PTPRD: variants seen among roughly 807,000 people sequenced by gnomAD.
PTPRD encodes the protein receptor-type tyrosine-protein phosphatase delta.
A neutral mutation model predicts 214.5 loss-of-function variants in PTPRD; 34 were observed. The ratio of observed to expected loss-of-function variants is 0.16; its 90% CI spans 0.12 to 0.21. The LOEUF is 0.21. Among genes scored for constraint, PTPRD ranks in the 10% least tolerant of loss-of-function variants. PTPRD has a pLI of 1.00. For synonymous variants in PTPRD, 1,128 were observed against 845.7 expected (o/e 1.33, Z -5.79); for missense variants, 2,545 against 2,398.7 (o/e 1.06, Z -1.27).
intron 9 of PTPRD, among the ~76,000 whole-genome samples, chr9:9,381,109 T>C (rs953718702): frequency 1.3e-5 from 2 of 152,228 alleles, no homozygotes; most frequent in African/African-American, 4.8e-5. Flanking sequence ...AGACAACATA[T>C]AGTTGGGTCT....
At chr9:9,935,132 A>G (rs1458877112) in intron 5 of PTPRD, among the ~76,000 whole-genome samples, 2 of 152,144 alleles carry the variant, frequency 1.3e-5, no homozygotes, top group African/African-American at 4.8e-5. Context: ...TGAATGGGCA[A>G]AAACTGGAAG....
At chr9:8,720,543 TG>T (rs2098481948) in intron 12 of PTPRD, among the ~76,000 whole-genome samples, 2 of 152,308 alleles carry the variant, frequency 1.3e-5, no homozygotes, top group East Asian at 3.9e-4. Context: ...ATGATCACAA[TG>T]ACAAAATCTT....
chr9:8,747,738 T>C (rs1232990199), intron 11 of PTPRD, among the ~76,000 whole-genome samples: 2 of 151,996 alleles, frequency 1.3e-5, no homozygotes, highest in Non-Finnish European at 2.9e-5. Context: ...CCAATGGAAA[T>C]TACTTAAAAC....
intron 4 of PTPRD, among the ~76,000 whole-genome samples, chr9:10,003,836 A>G (rs892144757): frequency 6.6e-6 from 1 of 151,756 alleles, no homozygotes. Context: ...TCAAATTCTA[A>G]ATTTTTTTAA....
At chr9:9,935,709 A>C (rs891114260) in intron 5 of PTPRD, among the ~76,000 whole-genome samples, 1 of 142,966 alleles carries the variant, frequency 7.0e-6, no homozygotes, top group African/African-American at 3.1e-5. Context: ...CTTTCTTCAC[A>C]GAATTGGAAA....
chr9:8,937,609 C>T (rs1291802586), intron 11 of PTPRD, among the ~76,000 whole-genome samples: 3 of 152,118 alleles, frequency 2.0e-5, no homozygotes, highest in Admixed American at 1.3e-4. Flanking sequence ...CTTTGCATTG[C>T]AGCTTGGAAT....
At chr9:8,638,945 C>T (rs1468709562) in intron 12 of PTPRD, among the ~76,000 whole-genome samples, 13 of 152,258 alleles carry the variant, frequency 8.5e-5, no homozygotes, top group East Asian at 3.9e-4. Context: ...CAGGTTCAAG[C>T]GATTCTCCTG....
chr9:9,984,987 G>A (rs938334904), intron 4 of PTPRD, among the ~76,000 whole-genome samples: 1 of 152,190 alleles, frequency 6.6e-6, no homozygotes, highest in African/African-American at 2.4e-5. Flanking sequence ...CTATAAAGGA[G>A]AGATGCTTAA....
intron 3 of PTPRD, among the ~76,000 whole-genome samples, chr9:10,174,770 G>A (rs2099236481): frequency 6.6e-6 from 1 of 151,672 alleles, no homozygotes; most frequent in African/African-American, 2.4e-5. Context: ...CCATAAAAGA[G>A]GCATAATTTA....
chr9:9,475,367 A>C (rs2094949733), intron 8 of PTPRD, among the ~76,000 whole-genome samples: 1 of 152,212 alleles, frequency 6.6e-6, no homozygotes, highest in Admixed American at 6.5e-5. Context: ...CTCTTTTTAC[A>C]TATAACCCTA....
At chr9:9,577,480 C>T (rs2089277552) in intron 7 of PTPRD, among the ~76,000 whole-genome samples, 2 of 152,032 alleles carry the variant, frequency 1.3e-5, no homozygotes, top group Non-Finnish European at 2.9e-5. Context: ...AGAAGGATCG[C>T]TTGAACCCTG....
At chr9:9,585,269 G>C (rs1189689536) in intron 7 of PTPRD, among the ~76,000 whole-genome samples, 5 of 152,062 alleles carry the variant, frequency 3.3e-5, no homozygotes, top group Non-Finnish European at 7.4e-5. Context: ...AGGGATGTTT[G>C]AGTGAATGCA....
chr9:10,360,840 C>G (rs1017223597), intron 2 of PTPRD, among the ~76,000 whole-genome samples: 1 of 152,158 alleles, frequency 6.6e-6, no homozygotes, highest in African/African-American at 2.4e-5. Context: ...CGGTGGCTCA[C>G]GCCTGTAATC....
At chr9:8,989,254 C>T (rs1281546827) in intron 11 of PTPRD, among the ~76,000 whole-genome samples, 1 of 151,886 alleles carries the variant, frequency 6.6e-6, no homozygotes, top group East Asian at 1.9e-4. Context: ...TTGAAATATA[C>T]AACACACTAC....
intron 7 of PTPRD, among the ~76,000 whole-genome samples, chr9:9,576,376 T>C (rs2088799155): frequency 1.3e-5 from 2 of 152,254 alleles, no homozygotes; most frequent in South Asian, 4.1e-4. Flanking sequence ...AAGGAGTACA[T>C]TACAATTCTT....
At chr9:8,331,372 T>TAAACATTTTTTTGGGGCTAAAC (rs1563992314) in intron 44 of PTPRD, among the ~76,000 whole-genome samples, 3 of 150,868 alleles carry the variant, frequency 2.0e-5, no homozygotes, top group African/African-American at 7.3e-5. Context: ...TTTTGGGGGA[T>TAAACATTTTTTTGGGGCTAAAC]AAACATTTTT....
intron 11 of PTPRD, among the ~76,000 whole-genome samples, chr9:8,901,559 A>C (rs1430204835): frequency 6.6e-6 from 1 of 152,202 alleles, no homozygotes; most frequent in Non-Finnish European, 1.5e-5. Flanking sequence ...ATGAAGTTTA[A>C]GTAACTTATC....
intron 8 of PTPRD, among the ~76,000 whole-genome samples, chr9:9,496,150 G>C (rs1000771771): frequency 6.6e-6 from 1 of 152,112 alleles, no homozygotes; most frequent in Non-Finnish European, 1.5e-5. Context: ...CTTTTGATTT[G>C]ACAGTGTTTT....
intron 12 of PTPRD, among the ~76,000 whole-genome samples, chr9:8,641,646 C>T (rs1166348437): frequency 7.5e-6 from 1 of 133,296 alleles, no homozygotes; most frequent in Non-Finnish European, 1.5e-5. Flanking sequence ...GTCTGCCAGG[C>T]TCGCTTGCCA....
Sources: allele counts gnomAD v4.1 joint callset (sites outside exome capture counted in the v4.1 genomes callset), GRCh38; gene constraint gnomAD v4.1.1; transcripts MANE v1.5; gene names NCBI Gene and HGNC (gene_info 2026-07-23, HGNC 2026-07-21).